The following PNPT1 variants were observed in gnomAD, a reference collection of about 807,000 sequenced individuals.
PNPT1 encodes polyribonucleotide nucleotidyltransferase 1, mitochondrial.
In PNPT1, 53 loss-of-function variants were observed where a neutral mutation model predicts 119.5. That is an observed-to-expected ratio of 0.44 (90% CI 0.36 to 0.56). PNPT1 has a LOEUF of 0.56. PNPT1 is among the 20% of genes least tolerant of loss of function. The pLI is 0.00. For missense variants in PNPT1, 948 were observed against 938.5 expected (o/e 1.01, Z -0.13); for synonymous variants, 357 against 322.1 (o/e 1.11, Z -1.16).
chr2:55,691,878 A>ATATATATATAT (rs1326804958), intron 1 of PNPT1, among the ~76,000 whole-genome samples: 10 of 33,114 alleles, frequency 3.0e-4, no homozygotes, highest in Non-Finnish European at 1.2e-4. Flanking sequence ...ATATATATAT[A>ATATATATATAT]TTTTTTTTTT....
chr2:55,663,143 C>T (rs922726370), intron 13 of PNPT1, among the ~76,000 whole-genome samples: 1 of 152,046 alleles, frequency 6.6e-6, no homozygotes, highest in African/African-American at 2.4e-5. Flanking sequence ...CTTGGCCTCC[C>T]AAAGTGCTGG....
intron 1 of PNPT1, among the ~76,000 whole-genome samples, chr2:55,690,156 G>C (rs554507415): frequency 6.6e-6 from 1 of 152,244 alleles, no homozygotes; most frequent in South Asian, 2.1e-4. Context: ...TATGGTATGT[G>C]AATTATATCT....
chr2:55,647,794 A>G (rs1413574701), intron 18 of PNPT1, among the ~76,000 whole-genome samples: 1 of 152,168 alleles, frequency 6.6e-6, no homozygotes, highest in Non-Finnish European at 1.5e-5. Flanking sequence ...AAGCGCTGGG[A>G]TTACAAGCGT....
chr2:55,668,022 A>G (rs1160245425), intron 11 of PNPT1, 64 bp from the exon 12 acceptor site: 11 of 1,377,756 alleles, frequency 8.0e-6, no homozygotes, highest in Non-Finnish European at 9.9e-6. Flanking sequence ...ATTTCTCTAA[A>G]GTTCATAGCA....
chr2:55,689,208 A>G (rs1283728590), intron 1 of PNPT1, among the ~76,000 whole-genome samples: 1 of 152,254 alleles, frequency 6.6e-6, no homozygotes, highest in Non-Finnish European at 1.5e-5. Flanking sequence ...TTGTGTTAAT[A>G]TCTAGAATAT....
chr2:55,681,011 G>A (rs1697229648), intron 5 of PNPT1, 93 bp from the exon 6 acceptor site: 2 of 962,160 alleles, frequency 2.1e-6, no homozygotes, highest in Non-Finnish European at 3.2e-6. Flanking sequence ...CTAAAAGCAG[G>A]GGCTTTGTAG....
At chr2:55,671,414 G>C in intron 10 of PNPT1, 38 bp from the exon 11 acceptor site, 1 of 1,220,916 alleles carries the variant, frequency 8.2e-7, no homozygotes, top group Non-Finnish European at 1.1e-6. Flanking sequence ...ACATATACAT[G>C]ACAACATTTA....
intron 13 of PNPT1, among the ~76,000 whole-genome samples, chr2:55,665,201 A>AT (rs1189808003): frequency 3.9e-5 from 6 of 152,204 alleles, no homozygotes; most frequent in Non-Finnish European, 8.8e-5. Context: ...TGAGAAAAAT[A>AT]AAGTATTAGT....
At chr2:55,688,647 C>T (rs758160098) in intron 1 of PNPT1, among the ~76,000 whole-genome samples, 1 of 152,054 alleles carries the variant, frequency 6.6e-6, no homozygotes, top group Non-Finnish European at 1.5e-5. Context: ...ACTGCTTGAA[C>T]CCAGGAGGGG....
chr2:55,676,128 T>G (rs10194634), intron 8 of PNPT1, among the ~76,000 whole-genome samples: 22,210 of 151,552 alleles, frequency 0.15, 3,027 homozygotes, highest in African/African-American at 0.36. Flanking sequence ...GGTGTGGTGG[T>G]GCACGCCTGT....
intron 18 of PNPT1, among the ~76,000 whole-genome samples, chr2:55,649,855 C>G (rs1424128837): frequency 6.6e-6 from 1 of 152,182 alleles, no homozygotes; most frequent in African/African-American, 2.4e-5. Context: ...CTTAACCCTG[C>G]TGAAACTTAA....
At chr2:55,644,063 A>G (rs965457088) in intron 23 of PNPT1, among the ~76,000 whole-genome samples, 20 of 152,058 alleles carry the variant, frequency 1.3e-4, no homozygotes, top group Non-Finnish European at 2.9e-5. Flanking sequence ...CTATAATAGA[A>G]CCCTTTCCTT....
At chr2:55,647,529 T>G (rs1696040221) in intron 18 of PNPT1, 76 bp from the exon 19 acceptor site, 1 of 1,220,878 alleles carries the variant, frequency 8.2e-7, no homozygotes, top group Admixed American at 2.4e-5. Flanking sequence ...TCAATTTTTT[T>G]TTTTTTTTGA....
chr2:55,682,910 C>A (rs1572833258), intron 5 of PNPT1, among the ~76,000 whole-genome samples: 1 of 151,862 alleles, frequency 6.6e-6, no homozygotes, highest in African/African-American at 2.4e-5. Context: ...TGACTCAAAA[C>A]AAAACAAGAC....
intron 13 of PNPT1, among the ~76,000 whole-genome samples, chr2:55,662,647 C>G (rs924806353): frequency 6.6e-6 from 1 of 152,218 alleles, no homozygotes; most frequent in Admixed American, 6.5e-5. Context: ...GCACTCCAGC[C>G]TGGGCAACAG....
intron 8 of PNPT1, among the ~76,000 whole-genome samples, chr2:55,674,907 G>A (rs185012647): frequency 2.0e-4 from 31 of 152,092 alleles, no homozygotes; most frequent in Non-Finnish European, 3.5e-4. Context: ...GGATTAATCC[G>A]GAGATTTTTA....
intron 10 of PNPT1, 131 bp downstream of exon 10, chr2:55,671,864 G>C: frequency 1.5e-6 from 1 of 677,664 alleles, no homozygotes; most frequent in South Asian, 2.3e-5. Flanking sequence ...GAAACAATTA[G>C]GCTTTTGTTA....
chr2:55,686,565 G>A (rs1011802665), intron 2 of PNPT1, 121 bp from the exon 3 acceptor site: 9 of 675,566 alleles, frequency 1.3e-5, no homozygotes, highest in Non-Finnish European at 2.2e-5. Flanking sequence ...TCTACGACAC[G>A]ATTATGAAAT....
rs1696910068 is a variant in PNPT1, at chr2:55,671,392, G to A, written c.919-16C>T. 4 of 1,489,682 alleles carry A rather than the reference G, an allele frequency of 2.7e-6. No individual in the cohort carries two copies. The highest frequency in any genetic ancestry group is 1.4e-5 in the African/African-American group (1 of 69,844). The allele number at this position is 1,489,682 out of a possible 1,614,324, so 92.3% of individuals were successfully genotyped here. On this transcript the variant is annotated splice_polypyrimidine_tract_variant and intron_variant, in intron 10 of 27. Coordinates refer to ENST00000447944, the MANE Select transcript of PNPT1 (RefSeq NM_033109.5). ...CTCTGGAAACCTAAAAGAAAGTTGA[G>A]GTTCAGTTATTACATATACATGACA...
Sources: allele counts gnomAD v4.1 joint callset (sites outside exome capture counted in the v4.1 genomes callset), GRCh38; gene constraint gnomAD v4.1.1; transcripts MANE v1.5; gene names NCBI Gene and HGNC (gene_info 2026-07-23, HGNC 2026-07-21).